TBC1D19: variants seen among roughly 807,000 people sequenced by gnomAD.
TBC1D19 encodes TBC1 domain family member 19, also known as TBC1 domain family, member 19.
Under a neutral mutation model 89.0 loss-of-function variants are expected in TBC1D19, and 60 were observed. The observed-to-expected ratio is 0.67, with a 90% CI of 0.55 to 0.84. The LOEUF (loss-of-function observed/expected upper bound fraction) is 0.84, where lower values mean the gene tolerates loss of function less well. Ranked by LOEUF, TBC1D19 falls within the 40% of genes least tolerant of loss-of-function variation. The pLI, the probability that TBC1D19 is intolerant of heterozygous loss-of-function variation, is 0.00. For synonymous variants in TBC1D19, 189 were observed against 199.7 expected (o/e 0.95, Z 0.45); for missense variants, 500 against 610.8 (o/e 0.82, Z 1.91).
chr4:26,667,992 A>G (rs1711963079), intron 9 of TBC1D19, among the ~76,000 whole-genome samples: 1 of 151,940 alleles, frequency 6.6e-6, no homozygotes, highest in Non-Finnish European at 1.5e-5. Flanking sequence ...TATTATCTCC[A>G]TATTAAAGTA....
intron 1 of TBC1D19, among the ~76,000 whole-genome samples, chr4:26,610,019 A>G (rs1741260086): frequency 6.6e-6 from 1 of 152,154 alleles, no homozygotes; most frequent in South Asian, 2.1e-4. Flanking sequence ...AGAAGAAAAA[A>G]TAGAGTAAGG....
chr4:26,595,061 A>G lies in TBC1D19; in HGVS notation c.99+10769A>G, dbSNP rs112829795. The stretch of plus-strand genomic sequence containing the variant: ...GTGCCATTTTGCATTCCCACCAGCA[A>G]GAAATGAGAGTGCTGGTTGCTCCAC... On this transcript the variant is annotated intron_variant, in intron 1 of 20. Coordinates refer to ENST00000264866, the MANE Select transcript of TBC1D19 (RefSeq NM_018317.4). Among the ~76,000 whole-genome samples, 895 of 152,352 alleles carry G rather than the reference A, an allele frequency of 5.9e-3. 6 individuals are homozygous for G. Among genetic ancestry groups the G allele is most frequent in the African/African-American group, 0.02 (849 of 41,580 alleles).
chr4:26,847,680 T>G, the TBC1D19 span, among the ~76,000 whole-genome samples: 1 of 152,296 alleles, frequency 6.6e-6, no homozygotes, highest in Non-Finnish European at 1.5e-5. Flanking sequence ...CATGACCTCT[T>G]GCAGATGCAT....
intron 13 of TBC1D19, among the ~76,000 whole-genome samples, chr4:26,707,567 T>G (rs1001061291): frequency 6.6e-6 from 1 of 152,036 alleles, no homozygotes; most frequent in Middle Eastern, 3.2e-3. Context: ...CTCATTTTTC[T>G]ATTTGTTTTC....
At chr4:26,753,700 T>A in intron 19 of TBC1D19, 120 bp from the exon 20 acceptor site, 1 of 956,496 alleles carries the variant, frequency 1.0e-6, no homozygotes, top group Middle Eastern at 3.2e-4. Context: ...GGGGGTGTGG[T>A]CCGTTGTGTA....
chr4:26,604,479 T>C (rs1740848524), intron 1 of TBC1D19, among the ~76,000 whole-genome samples: 1 of 151,674 alleles, frequency 6.6e-6, no homozygotes, highest in Non-Finnish European at 1.5e-5. Flanking sequence ...AGCTGAATAA[T>C]ATTCCATTGT....
At chr4:26,632,040 A>G (rs1271616566) in intron 4 of TBC1D19, among the ~76,000 whole-genome samples, 2 of 152,100 alleles carry the variant, frequency 1.3e-5, no homozygotes, top group African/African-American at 4.8e-5. Context: ...GTTTTTGCCA[A>G]AATAATTATT....
At chr4:26,618,462 A>G (rs1234466020) in intron 3 of TBC1D19, among the ~76,000 whole-genome samples, 2 of 152,170 alleles carry the variant, frequency 1.3e-5, no homozygotes, top group Non-Finnish European at 2.9e-5. Flanking sequence ...CAAACATGGT[A>G]CAAAAGTTTG....
the TBC1D19 span, among the ~76,000 whole-genome samples, chr4:26,852,546 G>C: frequency 7.9e-5 from 12 of 152,110 alleles, no homozygotes; most frequent in African/African-American, 2.9e-4. Context: ...GACAGGGCGA[G>C]ACCCTGTCTT....
intron 11 of TBC1D19, among the ~76,000 whole-genome samples, chr4:26,681,490 G>T (rs1003068729): frequency 6.6e-6 from 1 of 152,104 alleles, no homozygotes; most frequent in Non-Finnish European, 1.5e-5. Flanking sequence ...GGCAGAGGTT[G>T]CAGTGCACCG....
chr4:26,620,519 C>CT, intron 3 of TBC1D19, 94 bp from the exon 4 acceptor site: 1 of 1,000,038 alleles, frequency 1.0e-6, no homozygotes. Flanking sequence ...TGAAATGTTA[C>CT]TGGGAAAACA....
At chr4:26,811,185 A>G in the TBC1D19 span, among the ~76,000 whole-genome samples, 1 of 152,268 alleles carries the variant, frequency 6.6e-6, no homozygotes, top group South Asian at 2.1e-4. Flanking sequence ...ATAAAAAAGA[A>G]TGAGTTCTTG....
intron 4 of TBC1D19, among the ~76,000 whole-genome samples, chr4:26,628,422 A>G (rs1467688944): frequency 6.6e-6 from 1 of 152,130 alleles, no homozygotes; most frequent in African/African-American, 2.4e-5. Flanking sequence ...AGTTCTGTGA[A>G]GAAAGTCATT....
chr4:26,688,174 T>C (rs1030359289), intron 12 of TBC1D19, among the ~76,000 whole-genome samples, 171 bp from the exon 13 acceptor site: 9 of 152,172 alleles, frequency 5.9e-5, no homozygotes, highest in African/African-American at 1.9e-4. Flanking sequence ...AAATAATGTG[T>C]CACATATATT....
the TBC1D19 span, among the ~76,000 whole-genome samples, chr4:26,834,983 C>T: frequency 1.3e-5 from 2 of 152,108 alleles, no homozygotes; most frequent in African/African-American, 2.4e-5. Context: ...GCCCTTAGCC[C>T]TTACTCCCTG....
Position 26,692,813 on chromosome 4 carries a change from C to T in TBC1D19, c.954+4406C>T, listed in dbSNP as rs115998404. ...AAAAATGACCTCACAAAGGACCATA[C>T]GTTTAATTGAATCAGACTGTGGTAC... On this transcript the variant is annotated intron_variant, in intron 13 of 20. Coordinates refer to ENST00000264866, the MANE Select transcript of TBC1D19 (RefSeq NM_018317.4). Among the ~76,000 whole-genome samples the T allele has an allele frequency of 7.2e-3, 1,095 of 152,274 alleles. 1 individual carries two copies. Among genetic ancestry groups the T allele is most frequent in the Non-Finnish European group, 0.011 (717 of 68,018 alleles).
At chr4:26,687,717 G>T (rs997016936) in intron 12 of TBC1D19, among the ~76,000 whole-genome samples, 4 of 152,130 alleles carry the variant, frequency 2.6e-5, no homozygotes, top group African/African-American at 9.7e-5. Context: ...TAAGATGTTG[G>T]AGCTCAAAGT....
intron 4 of TBC1D19, among the ~76,000 whole-genome samples, chr4:26,623,770 T>G (rs1348951596): frequency 6.6e-6 from 1 of 152,188 alleles, no homozygotes; most frequent in Admixed American, 6.5e-5. Flanking sequence ...ACCATAGTAG[T>G]CACAATAATG....
At chr4:26,632,292 A>G (rs2110062871) in intron 4 of TBC1D19, among the ~76,000 whole-genome samples, 1 of 151,990 alleles carries the variant, frequency 6.6e-6, no homozygotes, top group Admixed American at 6.6e-5. Flanking sequence ...CCAAAACTTA[A>G]CTACTAATAG....
Sources: allele counts gnomAD v4.1 joint callset (sites outside exome capture counted in the v4.1 genomes callset), GRCh38; gene constraint gnomAD v4.1.1; transcripts MANE v1.5; gene names NCBI Gene and HGNC (gene_info 2026-07-23, HGNC 2026-07-21).